The following LPAR1 variants were observed in gnomAD, a reference collection of about 807,000 sequenced individuals.
LPAR1 encodes lysophosphatidic acid receptor 1, also known as LPA receptor 1.
A neutral mutation model predicts 23.8 loss-of-function variants in LPAR1; 5 were observed. The ratio of observed to expected loss-of-function variants is 0.21; its 90% CI spans 0.11 to 0.44. LPAR1 has a LOEUF of 0.44. LPAR1 is among the 20% of genes least tolerant of loss of function. The pLI is 0.99. For synonymous variants in LPAR1, 160 were observed against 164.7 expected, an observed-to-expected ratio of 0.97 and a Z score of 0.22; for missense variants, 311 against 482.8, an observed-to-expected ratio of 0.64 and a Z score of 3.33.
At chr9:111,025,240 T>G (rs1412072024) in intron 2 of LPAR1, among the ~76,000 whole-genome samples, 1 of 152,222 alleles carries the variant, frequency 6.6e-6, no homozygotes, top group Non-Finnish European at 1.5e-5. Context: ...ATGATTGCCA[T>G]TCTAACTGGT....
In LPAR1 at chr9:110,962,932, A is replaced by T. The variant is rs1197016304; in HGVS notation, c.45+9141T>A. ...CTATGATTTTCTCAGGTGGAAAAAAACAGCAGGCCACTGTCCCACCTTAGT... is the reference window on the plus strand; with the variant it reads ...CTATGATTTTCTCAGGTGGAAAAAATCAGCAGGCCACTGTCCCACCTTAGT... On this transcript the variant is annotated intron_variant, in intron 4 of 5. Coordinates refer to ENST00000683809, the MANE Select transcript of LPAR1 (RefSeq NM_001351411.2). Among the ~76,000 whole-genome samples, 8 of 152,346 alleles carry T rather than the reference A, an allele frequency of 5.3e-5. No individual in the cohort carries two copies. The East Asian group carries it at 1.5e-3, about 29-fold the overall frequency.
At chr9:110,975,849 G>A (rs371291086) in intron 2 of LPAR1, among the ~76,000 whole-genome samples, 3 of 152,202 alleles carry the variant, frequency 2.0e-5, no homozygotes, top group African/African-American at 2.4e-5. Flanking sequence ...TAAAACATGC[G>A]ACACGTCTAA....
At chr9:111,035,094 TGCA>T (rs2097867754) in intron 2 of LPAR1, among the ~76,000 whole-genome samples, 1 of 152,226 alleles carries the variant, frequency 6.6e-6, no homozygotes, top group African/African-American at 2.4e-5. Flanking sequence ...CCCCCTGTGT[TGCA>T]GTTCTTTCTG....
intron 1 of LPAR1, 59 bp from the exon 2 acceptor site, chr9:111,036,260 G>A (rs976677185): frequency 6.6e-6 from 1 of 151,664 alleles, no homozygotes; most frequent in Non-Finnish European, 1.5e-5. Flanking sequence ...AGACTGCAAG[G>A]ATCACCTTGA....
At chr9:110,884,685 T>C (rs1054375884) in intron 5 of LPAR1, among the ~76,000 whole-genome samples, 2 of 152,216 alleles carry the variant, frequency 1.3e-5, no homozygotes, top group African/African-American at 4.8e-5. Flanking sequence ...CACTAGAATA[T>C]AATGTCTTGG....
At chr9:110,988,599 T>G (rs888300173) in intron 2 of LPAR1, among the ~76,000 whole-genome samples, 9 of 128,410 alleles carry the variant, frequency 7.0e-5, no homozygotes, top group African/African-American at 2.7e-4. Context: ...AATTCACACT[T>G]CATAACTACT....
intron 2 of LPAR1, among the ~76,000 whole-genome samples, chr9:111,004,762 C>T (rs2097184546): frequency 6.6e-6 from 1 of 152,150 alleles, no homozygotes. Context: ...TCTCCTTAGG[C>T]CATCTTATCC....
intron 2 of LPAR1, among the ~76,000 whole-genome samples, chr9:111,007,870 G>C (rs1009138159): frequency 2.0e-5 from 3 of 152,056 alleles, no homozygotes; most frequent in Non-Finnish European, 4.4e-5. Context: ...CTAAGGTTTC[G>C]AGAAGTGGTA....
intron 4 of LPAR1, among the ~76,000 whole-genome samples, chr9:110,942,777 A>G (rs10817116): frequency 0.22 from 32,843 of 151,856 alleles, 4,347 homozygotes; most frequent in Admixed American, 0.3. Context: ...TACCCCCACA[A>G]CTCCTTAAGT....
At chr9:110,916,594 G>C (rs1214461296) in intron 5 of LPAR1, among the ~76,000 whole-genome samples, 1 of 16,150 alleles carries the variant, frequency 6.2e-5, no homozygotes, top group African/African-American at 2.8e-4. Context: ...ACCCTCCGTA[G>C]GAAGACCATT....
chr9:110,988,349 TTATTA>T (rs1378311230), intron 2 of LPAR1, among the ~76,000 whole-genome samples: 1 of 151,990 alleles, frequency 6.6e-6, no homozygotes, highest in Non-Finnish European at 1.5e-5. Flanking sequence ...AAAAACCATT[TTATTA>T]TATAAGTATC....
intron 5 of LPAR1, among the ~76,000 whole-genome samples, chr9:110,926,913 G>A (rs1263944028): frequency 6.6e-6 from 1 of 152,192 alleles, no homozygotes; most frequent in Non-Finnish European, 1.5e-5. Flanking sequence ...TCCTCACACG[G>A]TCATTGTTGA....
intron 2 of LPAR1, among the ~76,000 whole-genome samples, chr9:110,976,247 T>C (rs1451755006): frequency 1.3e-5 from 2 of 151,594 alleles, no homozygotes; most frequent in South Asian, 2.1e-4. Context: ...AATCCTAGCA[T>C]TTTGAGACGC....
At chr9:110,962,077 TC>T (rs1215423842) in intron 4 of LPAR1, among the ~76,000 whole-genome samples, 5 of 152,216 alleles carry the variant, frequency 3.3e-5, no homozygotes, top group African/African-American at 9.6e-5. Flanking sequence ...AGCATTGAAT[TC>T]CCCCCTGTAA....
chr9:111,023,704 G>A (rs1049528689), intron 2 of LPAR1, among the ~76,000 whole-genome samples: 2 of 152,104 alleles, frequency 1.3e-5, no homozygotes, highest in African/African-American at 2.4e-5. Context: ...CTAGATCAGT[G>A]TCTTTCAAAC....
chr9:110,925,586 T>A (rs1161330857), intron 5 of LPAR1, among the ~76,000 whole-genome samples: 1 of 152,122 alleles, frequency 6.6e-6, no homozygotes, highest in South Asian at 2.1e-4. Flanking sequence ...AGGCAGAGAA[T>A]GGGAAAATGC....
chr9:110,957,631 T>C (rs1318349817), intron 4 of LPAR1, among the ~76,000 whole-genome samples: 2 of 152,114 alleles, frequency 1.3e-5, no homozygotes, highest in Non-Finnish European at 2.9e-5. Flanking sequence ...GCTAACATCA[T>C]ATTGAATAGG....
chr9:110,953,447 T>C (rs1395074691), intron 4 of LPAR1, among the ~76,000 whole-genome samples: 2 of 152,208 alleles, frequency 1.3e-5, no homozygotes, highest in East Asian at 1.9e-4. Context: ...ACAGATCACC[T>C]GAGGTCGGAA....
chr9:110,978,676 T>G (rs2138784632), intron 2 of LPAR1, among the ~76,000 whole-genome samples: 1 of 152,304 alleles, frequency 6.6e-6, no homozygotes, highest in African/African-American at 2.4e-5. Context: ...TTATTATCTC[T>G]TCCGCCTATC....
Sources: gnomAD v4.1 joint callset for allele counts (sites outside exome capture counted in the v4.1 genomes callset) on GRCh38, gnomAD v4.1.1 for gene constraint, MANE v1.5 for transcripts, NCBI Gene and HGNC (gene_info 2026-07-23, HGNC 2026-07-21) for gene names.